Variants in COBLL1 observed in about 807,000 individuals in gnomAD.
COBLL1 encodes the protein cordon-bleu protein-like 1.
COBLL1 carries 50 observed loss-of-function variants against 94.8 expected under a neutral mutation model. That is an observed-to-expected ratio of 0.53 (90% CI 0.42 to 0.67). The LOEUF (loss-of-function observed/expected upper bound fraction) is 0.67, where lower values mean the gene tolerates loss of function less well. Ranked by LOEUF, COBLL1 falls within the 30% of genes least tolerant of loss-of-function variation. COBLL1 has a pLI of 0.00. For synonymous variants in COBLL1, 448 were observed against 473.8 expected, an observed-to-expected ratio of 0.95 and a Z score of 0.71; for missense variants, 1,362 against 1,348.7, an observed-to-expected ratio of 1.01 and a Z score of -0.15.
intron 7 of COBLL1, among the ~76,000 whole-genome samples, chr2:164,711,165 A>G (rs1376937301): frequency 6.6e-6 from 1 of 152,192 alleles, no homozygotes; most frequent in Non-Finnish European, 1.5e-5. Flanking sequence ...ACTAGCACCT[A>G]TGTCAAAAGG....
chr2:164,705,137 C>T (rs1229282419), intron 7 of COBLL1, 32 bp from the exon 8 acceptor site: 1 of 1,482,164 alleles, frequency 6.7e-7, no homozygotes. Context: ...TAAAATCCTA[C>T]ATTTAGAAAT....
At chr2:164,798,230 T>A (rs541367344) in intron 2 of COBLL1, among the ~76,000 whole-genome samples, 1 of 152,260 alleles carries the variant, frequency 6.6e-6, no homozygotes, top group Admixed American at 6.5e-5. Flanking sequence ...CTTTAAAATA[T>A]CTGCCTTCAC....
In COBLL1 at chr2:164,841,593, G is replaced by A. The variant is rs1036092624; in HGVS notation, c.-51+117C>T. 2.4e-6 allele frequency: 1 copy of A among 418,664 alleles called. No homozygotes were observed. The highest frequency in any genetic ancestry group is 6.4e-5 in the East Asian group (1 of 15,694). The allele number at this position is 418,664 out of a possible 1,614,324, so 25.9% of individuals were successfully genotyped here. ...GGCGCACGGGCACCGCTGCCACGCC[G>A]GCAGCGCACTCCCAGGCTCCTCCGG... On this transcript the variant is annotated intron_variant, in intron 1 of 13. Coordinates refer to ENST00000652658, the MANE Select transcript of COBLL1 (RefSeq NM_001365672.2). This position sits in a 1 kb window ranked among gnomAD's most constrained non-coding sequence, Gnocchi z 5.5.
chr2:164,798,886 G>A (rs1375961833), intron 2 of COBLL1, among the ~76,000 whole-genome samples: 4 of 151,972 alleles, frequency 2.6e-5, no homozygotes, highest in African/African-American at 9.7e-5. Flanking sequence ...CGGGCAAGGT[G>A]GCGCACGTCT....
intron 2 of COBLL1, among the ~76,000 whole-genome samples, chr2:164,791,860 C>T (rs1683204248): frequency 6.6e-6 from 1 of 151,544 alleles, no homozygotes; most frequent in South Asian, 2.1e-4. Context: ...TATCAAATTC[C>T]CTGGTTTTTG....
At chr2:164,837,512 A>C (rs1188293181) in intron 2 of COBLL1, 1 of 446,978 alleles carries the variant, frequency 2.2e-6, no homozygotes, top group Admixed American at 2.8e-5. Flanking sequence ...CAAAAAAAAA[A>C]CGCAAACCAA....
At chr2:164,698,235 T>G (rs1015811785) in intron 11 of COBLL1, 5 of 151,928 alleles carry the variant, frequency 3.3e-5, no homozygotes, top group African/African-American at 1.2e-4. Context: ...CAGTACATGC[T>G]GTGAAAAACT....
At position 164,681,947 on chromosome 2, in the gene COBLL1, T is replaced by G. The variant is rs915471825; in HGVS notation, c.*3999A>C. 5 of 152,302 alleles carry G rather than the reference T, an allele frequency of 3.3e-5. No homozygotes were observed. Among genetic ancestry groups the G allele is most frequent in the Admixed American group, 2.6e-4 (4 of 15,296 alleles). 9.4% of individuals were successfully genotyped at this position (152,302 alleles called of 1,614,324 possible). On this transcript the variant is annotated 3_prime_UTR_variant, in exon 14 of 14. Transcript: ENST00000652658. The stretch of plus-strand genomic sequence containing the variant: ...TATGAACAGTCTAACATATTAAGGA[T>G]GGAAATTTGCAGGAAAGTGGTAACA...
At chr2:164,805,287 GTC>G (rs543005860) in intron 2 of COBLL1, among the ~76,000 whole-genome samples, 116 of 34,180 alleles carry the variant, frequency 3.4e-3, no homozygotes, top group East Asian at 4.2e-3. Context: ...CTCTCTGTCT[GTC>G]TCTCTCTCTC....
chr2:164,795,845 G>A (rs192907411), intron 2 of COBLL1, among the ~76,000 whole-genome samples: 4 of 152,126 alleles, frequency 2.6e-5, no homozygotes, highest in Non-Finnish European at 5.9e-5. Context: ...GTTTTTCTTA[G>A]ACTAAAAAAT....
intron 2 of COBLL1, among the ~76,000 whole-genome samples, chr2:164,755,610 G>T (rs1367018749): frequency 6.6e-6 from 1 of 152,110 alleles, no homozygotes; most frequent in African/African-American, 2.4e-5. Flanking sequence ...ATGAGTAGAT[G>T]AAGCTTTATT....
chr2:164,693,627 T>C (rs897530033), intron 12 of COBLL1, among the ~76,000 whole-genome samples: 4 of 152,098 alleles, frequency 2.6e-5, no homozygotes, highest in African/African-American at 9.7e-5. Context: ...TTATGGTAAA[T>C]ATTTAAGGTT....
At position 164,792,137 on chromosome 2, in the gene COBLL1, T is replaced by C. The variant is rs563747245; in HGVS notation, c.42-48262A>G. Among the ~76,000 whole-genome samples, 17 of 151,980 alleles carry C rather than the reference T, an allele frequency of 1.1e-4. No homozygotes were observed. In the South Asian group the frequency reaches 1.9e-3, roughly 17 times the overall value. ...TTTATTTATTTATTTATTACTATTA[T>C]TATCATTTTGAGACAGAGTCTCACT... On this transcript the variant is annotated intron_variant, in intron 2 of 13. Coordinates refer to ENST00000652658, the MANE Select transcript of COBLL1 (RefSeq NM_001365672.2).
chr2:164,801,097 A>C (rs1392302111), intron 2 of COBLL1, among the ~76,000 whole-genome samples: 2 of 152,138 alleles, frequency 1.3e-5, no homozygotes, highest in East Asian at 3.9e-4. Context: ...CAGGAGTTCA[A>C]GACCAGCCTG....
chr2:164,828,595 T>A (rs1685548171), intron 2 of COBLL1, among the ~76,000 whole-genome samples: 1 of 152,098 alleles, frequency 6.6e-6, no homozygotes, highest in South Asian at 2.1e-4. Context: ...AGGGAGAAAT[T>A]ATATACGTAC....
intron 2 of COBLL1, among the ~76,000 whole-genome samples, chr2:164,813,475 C>A (rs1386374953): frequency 6.6e-6 from 1 of 152,080 alleles, no homozygotes; most frequent in Non-Finnish European, 1.5e-5. Context: ...CATCATGTAA[C>A]CAGCTACCAT....
intron 7 of COBLL1, among the ~76,000 whole-genome samples, chr2:164,708,649 C>T (rs1684727444): frequency 6.6e-6 from 1 of 152,130 alleles, no homozygotes; most frequent in Non-Finnish European, 1.5e-5. Context: ...AAATCAAAAG[C>T]AGTAGAAGAT....
chr2:164,665,133 C>A (rs759739591), intron 2 of COBLL1, among the ~76,000 whole-genome samples: 15 of 152,084 alleles, frequency 9.9e-5, no homozygotes, highest in Non-Finnish European at 1.9e-4. Flanking sequence ...GAGTTTGAGA[C>A]CAGCCTGGCC....
chr2:164,735,305 A>G (rs1686240827), intron 3 of COBLL1, among the ~76,000 whole-genome samples: 1 of 152,240 alleles, frequency 6.6e-6, no homozygotes, highest in Non-Finnish European at 1.5e-5. Context: ...TGCTTTAGAA[A>G]AAAGTAACAT....
Sources: gnomAD v4.1 joint callset for allele counts (sites outside exome capture counted in the v4.1 genomes callset) on GRCh38, gnomAD v4.1.1 for gene constraint, Gnocchi (gnomAD v3.1) non-coding constraint, MANE v1.5 for transcripts, NCBI Gene and HGNC (gene_info 2026-07-23, HGNC 2026-07-21) for gene names.